LRRTM4: variants seen among roughly 807,000 people sequenced by gnomAD.
The protein encoded by LRRTM4 is leucine-rich repeat transmembrane neuronal protein 4.
A neutral mutation model predicts 47.6 loss-of-function variants in LRRTM4; 25 were observed. The ratio of observed to expected loss-of-function variants is 0.53; its 90% CI spans 0.38 to 0.73. LRRTM4 has a LOEUF of 0.73. Among genes scored for constraint, LRRTM4 ranks in the 30% least tolerant of loss-of-function variants. The pLI is 0.00. For missense variants in LRRTM4, 638 were observed against 713.4 expected, an observed-to-expected ratio of 0.89 and a Z score of 1.20; for synonymous variants, 311 against 269.5, an observed-to-expected ratio of 1.15 and a Z score of -1.51.
At chr2:77,395,695 T>C (rs1056156665) in intron 3 of LRRTM4, among the ~76,000 whole-genome samples, 1 of 152,016 alleles carries the variant, frequency 6.6e-6, no homozygotes. Flanking sequence ...TAGACCTAAA[T>C]TGATTTTGCA....
chr2:77,137,260 G>A (rs922525841), intron 3 of LRRTM4, among the ~76,000 whole-genome samples: 1 of 151,882 alleles, frequency 6.6e-6, no homozygotes, highest in African/African-American at 2.4e-5. Flanking sequence ...AAGCCCATCA[G>A]ACTCACAGCA....
intron 3 of LRRTM4, among the ~76,000 whole-genome samples, chr2:77,101,940 C>T (rs961434067): frequency 2.6e-5 from 4 of 152,170 alleles, no homozygotes; most frequent in African/African-American, 7.2e-5. Flanking sequence ...TTCAAAAAAA[C>T]GTTTCCCACA....
At chr2:76,832,230 A>G (rs1306617304) in intron 3 of LRRTM4, among the ~76,000 whole-genome samples, 1 of 152,060 alleles carries the variant, frequency 6.6e-6, no homozygotes, top group Non-Finnish European at 1.5e-5. Context: ...ATTCTAAGCA[A>G]TTTGGAAGTT....
chr2:76,794,808 T>C (rs1193077488), intron 3 of LRRTM4, among the ~76,000 whole-genome samples: 2 of 151,850 alleles, frequency 1.3e-5, no homozygotes, highest in South Asian at 2.1e-4. Context: ...GTAGCATCAA[T>C]CCCCCAAGTC....
In LRRTM4 at chr2:76,816,420, G is replaced by A. The variant is rs142663739; in HGVS notation, c.1552-67504C>T. Among the ~76,000 whole-genome samples the A allele has an allele frequency of 2.4e-3, 360 of 152,110 alleles. 5 individuals are homozygous for A. The highest frequency in any genetic ancestry group is 8.4e-3 in the African/African-American group (347 of 41,526). On this transcript the variant is annotated intron_variant, in intron 3 of 3. Coordinates refer to ENST00000409884, the MANE Select transcript of LRRTM4 (RefSeq NM_001134745.3). ...ATCCAAATATCTACTCAACGGAACT[G>A]AAAGTAGAAGAAGAAAATAATAGTC...
intron 3 of LRRTM4, among the ~76,000 whole-genome samples, chr2:76,898,877 C>T (rs919911180): frequency 2.6e-5 from 4 of 151,554 alleles, no homozygotes; most frequent in South Asian, 2.1e-4. Context: ...TTTTTACATA[C>T]GTTGTAGACC....
At chr2:76,771,139 A>G (rs1673684782) in intron 3 of LRRTM4, among the ~76,000 whole-genome samples, 1 of 152,164 alleles carries the variant, frequency 6.6e-6, no homozygotes, top group South Asian at 2.1e-4. Context: ...AAAACTTTTT[A>G]CAAGGTAACG....
chr2:77,136,047 C>T (rs1671930014), intron 3 of LRRTM4, among the ~76,000 whole-genome samples: 1 of 151,986 alleles, frequency 6.6e-6, no homozygotes, highest in Admixed American at 6.6e-5. Context: ...CGAATAGGAA[C>T]AGCTTCAGTC....
In LRRTM4 at chr2:76,974,155, C is replaced by CAT. The variant is rs67575216; in HGVS notation, c.1552-225241_1552-225240dup. Reference sequence around the variant, plus strand: ...TCATATATATACATATATATACATACATATATATATATACATACATATATA... The same window carrying CAT: ...TCATATATATACATATATATACATACATATATATATATATACATACATATATA... On this transcript the variant is annotated intron_variant, in intron 3 of 3. Transcript: ENST00000409884. Among the ~76,000 whole-genome samples, 86 of 128,294 alleles carry CAT rather than the reference C, an allele frequency of 6.7e-4. No individual in the cohort carries two copies. In the East Asian group the frequency reaches 0.012, roughly 17 times the overall value. 84.2% of individuals were successfully genotyped at this position (128,294 alleles called of 152,430 possible). A position where few individuals can be genotyped will look rare whatever the true frequency, so the allele number is the denominator to read the frequency against.
intron 3 of LRRTM4, among the ~76,000 whole-genome samples, chr2:76,919,735 C>T (rs1674375508): frequency 6.6e-6 from 1 of 152,128 alleles, no homozygotes; most frequent in Non-Finnish European, 1.5e-5. Flanking sequence ...TCCTTTTACT[C>T]AGTTAAAGAA....
chr2:77,478,286 T>C (rs1034440985), intron 3 of LRRTM4, among the ~76,000 whole-genome samples: 6 of 152,300 alleles, frequency 3.9e-5, no homozygotes, highest in Admixed American at 2.0e-4. Flanking sequence ...TGATTTAAGA[T>C]AAAAATGTTA....
chr2:77,313,407 T>C (rs1478480060), intron 3 of LRRTM4, among the ~76,000 whole-genome samples: 48 of 148,794 alleles, frequency 3.2e-4, no homozygotes, highest in Middle Eastern at 3.4e-3. Flanking sequence ...CCTCCCTACG[T>C]TTTCCTGGGA....
chr2:76,899,924 A>G (rs1036809650), intron 3 of LRRTM4, among the ~76,000 whole-genome samples: 9 of 152,242 alleles, frequency 5.9e-5, no homozygotes, highest in East Asian at 1.9e-4. Flanking sequence ...ATATTGTTTA[A>G]TAACTGAATA....
intron 3 of LRRTM4, among the ~76,000 whole-genome samples, chr2:77,164,112 A>G (rs2103816261): frequency 6.6e-6 from 1 of 152,318 alleles, no homozygotes; most frequent in East Asian, 1.9e-4. Context: ...GGGATGGAGG[A>G]AAATCTACCA....
chr2:76,983,862 A>G (rs2103972361), intron 3 of LRRTM4, among the ~76,000 whole-genome samples: 1 of 152,204 alleles, frequency 6.6e-6, no homozygotes, highest in Admixed American at 6.6e-5. Context: ...AGAGACAAAC[A>G]GCTAATCAAA....
chr2:77,031,887 T>G (rs920619668), intron 3 of LRRTM4, among the ~76,000 whole-genome samples: 3 of 152,158 alleles, frequency 2.0e-5, no homozygotes, highest in African/African-American at 7.2e-5. Flanking sequence ...TTCTCTCCCT[T>G]CTTGTCCATA....
At chr2:76,908,219 A>G (rs1323755135) in intron 3 of LRRTM4, among the ~76,000 whole-genome samples, 1 of 151,768 alleles carries the variant, frequency 6.6e-6, no homozygotes, top group African/African-American at 2.4e-5. Flanking sequence ...AATCCAGCAT[A>G]TAAACAGAAC....
chr2:77,130,751 T>C (rs940770390), intron 3 of LRRTM4, among the ~76,000 whole-genome samples: 2 of 148,992 alleles, frequency 1.3e-5, no homozygotes, highest in Admixed American at 1.4e-4. Context: ...GACCTCATGA[T>C]CCGCCCACCT....
chr2:77,055,486 T>C (rs964407452), intron 3 of LRRTM4, among the ~76,000 whole-genome samples: 5 of 152,090 alleles, frequency 3.3e-5, no homozygotes, highest in African/African-American at 1.2e-4. Flanking sequence ...AAAACCACCA[T>C]GAGATACCAT....
Sources: allele counts gnomAD v4.1 joint callset (sites outside exome capture counted in the v4.1 genomes callset), GRCh38; gene constraint gnomAD v4.1.1; transcripts MANE v1.5; gene names NCBI Gene and HGNC (gene_info 2026-07-23, HGNC 2026-07-21).